TTBK1: variants seen among roughly 807,000 people sequenced by gnomAD.
TTBK1 encodes the protein tau tubulin kinase 1, also known as tau-tubulin kinase 1.
Under a neutral mutation model 108.5 loss-of-function variants are expected in TTBK1, and 34 were observed. That is an observed-to-expected ratio of 0.31 (90% CI 0.24 to 0.42). TTBK1 has a LOEUF of 0.42. Among genes scored for constraint, TTBK1 ranks in the 10% least tolerant of loss-of-function variants. The probability of loss-of-function intolerance (pLI) is 1.00; values close to 1 mark genes in which losing one functional copy is unlikely to be tolerated. For missense variants in TTBK1, 1,539 were observed against 1,826.0 expected (o/e 0.84, Z 2.86); for synonymous variants, 809 against 795.1 (o/e 1.02, Z -0.29).
intron 13 of TTBK1, chr6:43,270,843 A>G (rs1777816576): frequency 4.1e-6 from 4 of 985,360 alleles, no homozygotes; most frequent in Non-Finnish European, 4.8e-6. Flanking sequence ...TGTGCTTGTC[A>G]GCAAAACCAG....
chr6:43,254,927 CAGGCCCACCTCCCCAGCCAGGGG>C (rs1452632844), intron 6 of TTBK1, 99 bp from the exon 7 acceptor site: 3 of 1,003,926 alleles, frequency 3.0e-6, no homozygotes, highest in Non-Finnish European at 4.7e-6. Flanking sequence ...GGTCAGAGAG[CAGGCCCACCTCCCCAGCCAGGGG>C]AGGTGGTCAG....
intron 13 of TTBK1, chr6:43,271,591 G>A: frequency 1.0e-6 from 1 of 985,214 alleles, no homozygotes; most frequent in South Asian, 4.7e-5. Flanking sequence ...TTAGAGTAGA[G>A]GCCTCAGGGC....
At chr6:43,266,864 C>T (rs938794247) in intron 13 of TTBK1, among the ~76,000 whole-genome samples, 3 of 152,156 alleles carry the variant, frequency 2.0e-5, no homozygotes, top group Admixed American at 6.5e-5. Flanking sequence ...GATCTGCCTG[C>T]CTCGGCCTCC....
intron 13 of TTBK1, chr6:43,270,311 G>T (rs1777794848): frequency 1.9e-6 from 2 of 1,078,032 alleles, no homozygotes; most frequent in South Asian, 4.0e-5. Context: ...AGGGCCAGAG[G>T]CACTCTGGTA....
chr6:43,284,145 C>T lies in TTBK1; in HGVS notation c.3405C>T (p.Ala1135=). ...CGGGCTCTGAGGAGGACACGCCCGC[C>T]TCTGAGCCGGCAGCGGCCTTGCCCA... ...SGTGSEEDTP[A]SEPAAALPRK... Residue 1135 remains alanine, a synonymous_variant, in exon 14 of 15, where the codon GCC becomes GCT. Transcript: ENST00000259750. 6.5e-7 allele frequency: 1 copy of T among 1,545,480 alleles called. No individual in the cohort carries two copies. The highest frequency in any genetic ancestry group is 8.7e-7 in the Non-Finnish European group (1 of 1,151,926).
chr6:43,280,725 G>C (rs1778133397), intron 13 of TTBK1, among the ~76,000 whole-genome samples: 1 of 152,152 alleles, frequency 6.6e-6, no homozygotes, highest in South Asian at 2.1e-4. Context: ...AGAAGGATGT[G>C]GAAAACAAGT....
chr6:43,262,173 G>A (rs1008151204), intron 12 of TTBK1, among the ~76,000 whole-genome samples: 3 of 152,222 alleles, frequency 2.0e-5, no homozygotes, highest in African/African-American at 7.2e-5. Flanking sequence ...GGAGACAGCT[G>A]TATTCAGGCT....
intron 1 of TTBK1, among the ~76,000 whole-genome samples, chr6:43,245,565 A>G (rs957386168): frequency 6.6e-6 from 1 of 152,144 alleles, no homozygotes; most frequent in Non-Finnish European, 1.5e-5. Flanking sequence ...ACAAAGAAAC[A>G]TACACACACA....
At position 43,285,107 on chromosome 6, in the gene TTBK1, C is replaced by G. The variant is rs142158879; in HGVS notation, c.3697C>G (p.Pro1233Ala). 13,803 of 1,471,252 alleles carry G rather than the reference C, an allele frequency of 9.4e-3. 137 individuals carry two copies. The highest frequency in any genetic ancestry group is 0.032 in the Middle Eastern group (163 of 5,152). 91.1% of individuals were successfully genotyped at this position (1,471,252 alleles called of 1,614,324 possible). Residue 1233 changes from proline (P) to alanine (A), a missense_variant, in exon 15 of 15, where the codon CCG becomes GCG. By Grantham distance (27) the Pro-to-Ala change is conservative (BLOSUM62 -1). Transcript: ENST00000259750. This position sits in a 1 kb window ranked among gnomAD's most constrained non-coding sequence, Gnocchi z 4.7. Reference protein sequence around the residue: ...AGARPPAPRSPRLPASTSAAR... With the variant: ...AGARPPAPRSARLPASTSAAR... ...AGCCAGGCCCCCAGCGCCGCGCAGCCCGCGCCTCCCCGCGTCCACATCCGC... is the reference window on the plus strand; with the variant it reads ...AGCCAGGCCCCCAGCGCCGCGCAGCGCGCGCCTCCCCGCGTCCACATCCGC...
intron 13 of TTBK1, among the ~76,000 whole-genome samples, chr6:43,264,546 C>A (rs1777627624): frequency 6.6e-6 from 1 of 152,140 alleles, no homozygotes; most frequent in Non-Finnish European, 1.5e-5. Context: ...AAGGACTGTG[C>A]AGGGTGTGGA....
chr6:43,268,160 A>G (rs761852548), intron 13 of TTBK1, among the ~76,000 whole-genome samples: 10 of 152,320 alleles, frequency 6.6e-5, no homozygotes, highest in Middle Eastern at 3.4e-3. Flanking sequence ...CTGGGATTCA[A>G]TGCCATCCTA....
chr6:43,287,435 G>C lies in TTBK1; in HGVS notation c.*2059G>C, dbSNP rs1243731754. On this transcript the variant is annotated 3_prime_UTR_variant, in exon 15 of 15. Coordinates refer to ENST00000259750, the MANE Select transcript of TTBK1 (RefSeq NM_032538.3). The surrounding 1 kb of genome is among the most constrained non-coding windows in gnomAD (Gnocchi z 4.1). The stretch of plus-strand genomic sequence containing the variant: ...CCCAGGACCAACAACACCCTGGTTT[G>C]GAGCTGGGAGGAAGAAGGGGGCCTG... The C allele has an allele frequency of 1.3e-5, 2 of 152,698 alleles. No homozygotes were observed. Among genetic ancestry groups the C allele is most frequent in the East Asian group, 1.9e-4 (1 of 5,190 alleles). 9.5% of individuals were successfully genotyped at this position (152,698 alleles called of 1,614,324 possible).
intron 1 of TTBK1, among the ~76,000 whole-genome samples, chr6:43,246,403 G>T (rs1287860645): frequency 6.6e-6 from 1 of 152,220 alleles, no homozygotes; most frequent in Non-Finnish European, 1.5e-5. Flanking sequence ...TGTGTGTCCT[G>T]TTGCTGATTT....
chr6:43,280,582 G>T (rs1176392816), intron 13 of TTBK1, among the ~76,000 whole-genome samples: 1 of 152,154 alleles, frequency 6.6e-6, no homozygotes, highest in East Asian at 1.9e-4. Flanking sequence ...ATAACATGGT[G>T]ACCAGGACAA....
chr6:43,269,963 C>A lies in TTBK1; in HGVS notation c.1986+6613C>A. The A allele has an allele frequency of 1.4e-6, 2 of 1,435,206 alleles. No individual in the cohort carries two copies. The highest frequency in any genetic ancestry group is 1.8e-6 in the Non-Finnish European group (2 of 1,098,416). 88.9% of individuals were successfully genotyped at this position (1,435,206 alleles called of 1,614,324 possible). ...CCCACAAGACCTAGGCTGGGCCCCC[C>A]CCCTCCTGGAGGGGGCAGGTGGGGG... On this transcript the variant is annotated intron_variant, in intron 13 of 14. Transcript: ENST00000259750. The surrounding 1 kb of genome is among the most constrained non-coding windows in gnomAD (Gnocchi z 4.8).
intron 13 of TTBK1, chr6:43,271,673 C>T: frequency 2.0e-6 from 2 of 985,370 alleles, no homozygotes; most frequent in Non-Finnish European, 2.4e-6. Context: ...ACACAGAGGG[C>T]CACCATTGTG....
chr6:43,254,468 A>G (rs909828544), intron 5 of TTBK1, 79 bp from the exon 6 acceptor site: 7 of 973,284 alleles, frequency 7.2e-6, no homozygotes, highest in African/African-American at 1.7e-5. Flanking sequence ...CACCAGCTGC[A>G]GAGCTGTTTC....
In TTBK1 at chr6:43,246,660, G is replaced by A; in HGVS notation, c.-1G>A. The A allele has an allele frequency of 3.1e-6, 5 of 1,599,524 alleles. No homozygotes were observed. Among genetic ancestry groups the A allele is most frequent in the Non-Finnish European group, 4.3e-6 (5 of 1,172,172 alleles). On this transcript the variant is annotated 5_prime_UTR_variant, in exon 2 of 15. Transcript: ENST00000259750. ...CGGACACCCCTCCCTCTGGCTGGCG[G>A]ATGCAGTGCCTAGCGGCCGCCCTTA...
At chr6:43,251,051 C>T (rs1443844974) in intron 2 of TTBK1, among the ~76,000 whole-genome samples, 1 of 152,234 alleles carries the variant, frequency 6.6e-6, no homozygotes, top group South Asian at 2.1e-4. Flanking sequence ...TTCCTCTTTC[C>T]CTGTCTCCTT....
Sources: allele counts gnomAD v4.1 joint callset (sites outside exome capture counted in the v4.1 genomes callset), GRCh38; gene constraint gnomAD v4.1.1; non-coding constraint Gnocchi (gnomAD v3.1); transcripts MANE v1.5; gene names NCBI Gene and HGNC (gene_info 2026-07-23, HGNC 2026-07-21).